Variants in GRM7 observed in about 807,000 individuals in gnomAD.
The protein encoded by GRM7 is metabotropic glutamate receptor 7.
A neutral mutation model predicts 84.5 loss-of-function variants in GRM7; 35 were observed. The observed-to-expected ratio is 0.41, with a 90% CI of 0.32 to 0.55. The LOEUF is 0.55. Among genes scored for constraint, GRM7 ranks in the 20% least tolerant of loss-of-function variants. The pLI is 0.19. For synonymous variants in GRM7, 487 were observed against 455.1 expected (o/e 1.07, Z -0.89); for missense variants, 1,003 against 1,194.6 (o/e 0.84, Z 2.36).
At chr3:7,394,898 C>A (rs1174849342) in intron 4 of GRM7, among the ~76,000 whole-genome samples, 1 of 151,942 alleles carries the variant, frequency 6.6e-6, no homozygotes, top group African/African-American at 2.4e-5. Flanking sequence ...ATTAGCCAGG[C>A]GTGGTGGCGG....
At chr3:7,484,493 C>T (rs1428883079) in intron 7 of GRM7, among the ~76,000 whole-genome samples, 1 of 152,108 alleles carries the variant, frequency 6.6e-6, no homozygotes, top group Admixed American at 6.5e-5. Context: ...TCTTCCAATG[C>T]TCAGAGCTGT....
chr3:7,345,085 A>G (rs895129562), intron 4 of GRM7, among the ~76,000 whole-genome samples: 2 of 152,120 alleles, frequency 1.3e-5, no homozygotes, highest in African/African-American at 4.8e-5. Context: ...TGTTTTTTAA[A>G]AAAAGGTAAG....
chr3:7,080,502 G>A (rs1559425885), intron 1 of GRM7, among the ~76,000 whole-genome samples: 1 of 152,058 alleles, frequency 6.6e-6, no homozygotes, highest in East Asian at 1.9e-4. Context: ...TTTCTTATAT[G>A]TTTCATAGTC....
intron 7 of GRM7, among the ~76,000 whole-genome samples, chr3:7,490,346 A>G (rs556122664): frequency 3.3e-5 from 5 of 152,236 alleles, no homozygotes; most frequent in African/African-American, 1.2e-4. Flanking sequence ...GAACAGTCTG[A>G]AATATATGAA....
intron 2 of GRM7, among the ~76,000 whole-genome samples, chr3:7,290,606 A>G (rs1008371034): frequency 6.6e-6 from 1 of 152,114 alleles, no homozygotes; most frequent in Admixed American, 6.6e-5. Flanking sequence ...CTGGCAGGGG[A>G]CAGAGAATTT....
intron 1 of GRM7, among the ~76,000 whole-genome samples, chr3:6,876,729 G>A (rs1005670719): frequency 6.6e-6 from 1 of 151,488 alleles, no homozygotes; most frequent in African/African-American, 2.4e-5. Context: ...AGCCACTGGA[G>A]AAGCTGGGAT....
rs371673988 is a variant in GRM7 at position 6,951,188 on chromosome 3, C to A, written c.519+89281C>A. Among the ~76,000 whole-genome samples the A allele has an allele frequency of 5.9e-5, 9 of 152,176 alleles. No homozygotes were observed. In the East Asian group the frequency reaches 1.7e-3, roughly 29 times the overall value. ...CCTATTCGGCCATCTTGGCTCCACCCCCAGTCTGACTAGAAGTTTACGAAT... is the reference window on the plus strand; with the variant it reads ...CCTATTCGGCCATCTTGGCTCCACCACCAGTCTGACTAGAAGTTTACGAAT... On this transcript the variant is annotated intron_variant, in intron 1 of 9. Coordinates refer to ENST00000357716, the MANE Select transcript of GRM7 (RefSeq NM_000844.4).
chr3:7,145,613 T>C (rs1198230954), intron 1 of GRM7, among the ~76,000 whole-genome samples: 1 of 152,174 alleles, frequency 6.6e-6, no homozygotes, highest in Non-Finnish European at 1.5e-5. Context: ...ATGAGGGAGA[T>C]AATGTGATTT....
chr3:7,733,038 G>A (rs988913931), intron 9 of GRM7, among the ~76,000 whole-genome samples: 7 of 152,154 alleles, frequency 4.6e-5, no homozygotes, highest in Non-Finnish European at 8.8e-5. Context: ...GGGTAGCAGC[G>A]AGGATGACCA....
At chr3:7,644,493 G>A (rs946675322) in intron 8 of GRM7, among the ~76,000 whole-genome samples, 1 of 151,994 alleles carries the variant, frequency 6.6e-6, no homozygotes, top group African/African-American at 2.4e-5. Context: ...TCTTTATTCT[G>A]TCAAGTTACT....
chr3:7,072,677 AC>A (rs993892347), intron 1 of GRM7, among the ~76,000 whole-genome samples: 20 of 151,932 alleles, frequency 1.3e-4, no homozygotes, highest in African/African-American at 4.4e-4. Flanking sequence ...ACAGACTGAG[AC>A]CCTGTCTCAA....
In GRM7 at chr3:7,503,084, A is replaced by G. The variant is rs1699932024; in HGVS notation, c.1515+41362A>G. Among the ~76,000 whole-genome samples, 4 of 152,304 alleles carry G rather than the reference A, an allele frequency of 2.6e-5. 1 individual carries two copies. The highest frequency in any genetic ancestry group is 2.6e-4 in the Admixed American group (4 of 15,300). ...CACTATACTGTGTCTACTTACAATC[A>G]CAAGGAGCGCCTAGAAAGCTGGGCA... On this transcript the variant is annotated intron_variant, in intron 7 of 9. Transcript: ENST00000357716.
chr3:7,422,216 G>A (rs925294865), intron 5 of GRM7, among the ~76,000 whole-genome samples: 33 of 152,286 alleles, frequency 2.2e-4, no homozygotes, highest in Admixed American at 1.2e-3. Flanking sequence ...TTATGGGTCA[G>A]GCTGTTTCTG....
rs190661977 is a variant in GRM7, at chr3:7,296,178, T to C, written c.737-2506T>C. Among the ~76,000 whole-genome samples, 66 of 152,174 alleles carry C rather than the reference T, an allele frequency of 4.3e-4. 3 individuals carry two copies. The highest frequency in any genetic ancestry group is 4.3e-3 in the Admixed American group (65 of 15,270). On this transcript the variant is annotated intron_variant, in intron 2 of 9. Coordinates refer to ENST00000357716, the MANE Select transcript of GRM7 (RefSeq NM_000844.4). Reference sequence around the variant, plus strand: ...GTTTTTCTTTTTTAGTCTGACAATATGTAAATAATAATGATTGATTTTTCA... The same window carrying C: ...GTTTTTCTTTTTTAGTCTGACAATACGTAAATAATAATGATTGATTTTTCA...
At chr3:7,444,745 T>G (rs1293550310) in intron 5 of GRM7, among the ~76,000 whole-genome samples, 1 of 152,168 alleles carries the variant, frequency 6.6e-6, no homozygotes, top group East Asian at 1.9e-4. Flanking sequence ...CATGTATCTT[T>G]CCTTGCACTT....
At chr3:6,865,518 T>C (rs1416298480) in intron 1 of GRM7, among the ~76,000 whole-genome samples, 1 of 151,282 alleles carries the variant, frequency 6.6e-6, no homozygotes, top group Non-Finnish European at 1.5e-5. Context: ...ACTATAGACT[T>C]GGAATTGAAT....
At chr3:7,647,165 A>C (rs568210942) in intron 8 of GRM7, among the ~76,000 whole-genome samples, 4 of 152,358 alleles carry the variant, frequency 2.6e-5, no homozygotes, top group Admixed American at 6.5e-5. Flanking sequence ...ACCCTCAGCC[A>C]GTAAAAATTA....
intron 1 of GRM7, among the ~76,000 whole-genome samples, chr3:6,879,093 A>G (rs1270974112): frequency 3.3e-5 from 5 of 152,212 alleles, no homozygotes; most frequent in Non-Finnish European, 7.4e-5. Flanking sequence ...TGAACCAAGC[A>G]AGATTATAAG....
intron 5 of GRM7, among the ~76,000 whole-genome samples, chr3:7,433,236 A>G (rs1223575285): frequency 6.6e-6 from 1 of 152,236 alleles, no homozygotes; most frequent in South Asian, 2.1e-4. Context: ...AGTCTACATA[A>G]GCAGAGATCA....
Sources: allele counts gnomAD v4.1 joint callset (sites outside exome capture counted in the v4.1 genomes callset), GRCh38; gene constraint gnomAD v4.1.1; transcripts MANE v1.5; gene names NCBI Gene and HGNC (gene_info 2026-07-23, HGNC 2026-07-21).